Variants in TNFRSF8 observed in about 807,000 individuals in gnomAD.
The protein encoded by TNFRSF8 is tumor necrosis factor receptor superfamily member 8.
A neutral mutation model predicts 70.8 loss-of-function variants in TNFRSF8; 26 were observed. The observed-to-expected ratio is 0.37, with a 90% CI of 0.27 to 0.51. TNFRSF8 has a LOEUF of 0.51. Ranked by LOEUF, TNFRSF8 falls within the 20% of genes least tolerant of loss-of-function variation. TNFRSF8 has a pLI of 0.94. For synonymous variants in TNFRSF8, 356 were observed against 339.2 expected (o/e 1.05, Z -0.54); for missense variants, 720 against 807.9 (o/e 0.89, Z 1.32).
At chr1:12,091,173 G>C (rs1412211543) in intron 2 of TNFRSF8, among the ~76,000 whole-genome samples, 1 of 152,188 alleles carries the variant, frequency 6.6e-6, no homozygotes. Flanking sequence ...CCACCCTGCT[G>C]TCTGTCGTAG....
chr1:12,100,040 G>A (rs1352034418), intron 3 of TNFRSF8, among the ~76,000 whole-genome samples: 4 of 152,014 alleles, frequency 2.6e-5, no homozygotes, highest in African/African-American at 9.7e-5. Flanking sequence ...GTGGTGGCAC[G>A]TGTCTGTAGT....
At chr1:12,128,194 G>A (rs1641977087) in intron 12 of TNFRSF8, among the ~76,000 whole-genome samples, 1 of 152,242 alleles carries the variant, frequency 6.6e-6, no homozygotes, top group Non-Finnish European at 1.5e-5. Flanking sequence ...CCTCCTTGCA[G>A]GCTCTGTGCC....
Position 12,103,092 on chromosome 1 carries a change from A to G in TNFRSF8, c.269-1287A>G, listed in dbSNP as rs1390290890. Among the ~76,000 whole-genome samples the G allele has an allele frequency of 2.6e-5, 4 of 152,038 alleles. No homozygotes were observed. The East Asian group carries it at 7.8e-4, about 30-fold the overall frequency. On this transcript the variant is annotated intron_variant, in intron 3 of 14. Transcript: ENST00000263932. ...TAATAAACTATTTCTGGCTGGGTGC[A>G]GTGGCTCACGCCTGTAATCTCAGCA... is the stretch of plus-strand genomic sequence containing the variant.
At chr1:12,115,766 G>A in intron 8 of TNFRSF8, 37 bp downstream of exon 8, 1 of 1,605,386 alleles carries the variant, frequency 6.2e-7, no homozygotes. Flanking sequence ...ACCACAGGGT[G>A]GAGTCTGTGC....
chr1:12,115,831 C>T (rs1317063134), intron 8 of TNFRSF8, 102 bp downstream of exon 8: 36 of 1,320,436 alleles, frequency 2.7e-5, no homozygotes, highest in Non-Finnish European at 3.4e-5. Flanking sequence ...AAATGACCTA[C>T]ACCCTCGGCT....
intron 1 of TNFRSF8, among the ~76,000 whole-genome samples, chr1:12,075,493 C>G (rs1210428375): frequency 6.6e-6 from 1 of 152,136 alleles, no homozygotes; most frequent in Admixed American, 6.5e-5. Context: ...TTCTGACTCC[C>G]TGACTCTCTC....
intron 2 of TNFRSF8, among the ~76,000 whole-genome samples, chr1:12,086,656 G>C (rs985652866): frequency 1.3e-5 from 2 of 151,670 alleles, no homozygotes; most frequent in Non-Finnish European, 2.9e-5. Flanking sequence ...CTAAACAATA[G>C]ACATTTATTT....
chr1:12,107,802 C>T (rs116078425), intron 4 of TNFRSF8, among the ~76,000 whole-genome samples: 363 of 152,224 alleles, frequency 2.4e-3, no homozygotes, highest in African/African-American at 8.4e-3. Flanking sequence ...CAGTTTCTGC[C>T]TCCAGTCAGC....
rs773074377 is a variant in TNFRSF8 at position 12,142,359 on chromosome 1, G to A, written c.1616G>A (p.Gly539Asp). Residue 539 changes from glycine (G) to aspartate (D), a missense_variant, in exon 15 of 15, where the codon GGC (glycine) becomes GAC (aspartate). Gly to Asp is a moderately conservative substitution (Grantham distance 94). Coordinates refer to ENST00000263932, the MANE Select transcript of TNFRSF8 (RefSeq NM_001243.5). This position sits in a 1 kb window ranked among gnomAD's most constrained non-coding sequence, Gnocchi z 5.0. ...AAGGCTGAGCTGCCGGAGGGCCGGG[G>A]CCTGGCGGGGCCAGCAGAGCCCGAG... ...TVKAELPEGR[G>D]LAGPAEPELE... 1.9e-6 allele frequency: 3 copies of A among 1,608,634 alleles called. No individual in the cohort carries two copies. Among genetic ancestry groups the A allele is most frequent in the Non-Finnish European group, 8.5e-7 (1 of 1,177,832 alleles).
Position 12,095,291 on chromosome 1 carries a change from T to C in TNFRSF8, c.152-1810T>C, listed in dbSNP as rs551665247. Among the ~76,000 whole-genome samples, 3 of 120,410 alleles carry C rather than the reference T, an allele frequency of 2.5e-5. No individual in the cohort carries two copies. The South Asian group carries it at 7.4e-4, about 30-fold the overall frequency. The allele number at this position is 120,410 out of a possible 152,430, so 79.0% of individuals were successfully genotyped here. On this transcript the variant is annotated intron_variant, in intron 2 of 14. Coordinates refer to ENST00000263932, the MANE Select transcript of TNFRSF8 (RefSeq NM_001243.5). The stretch of plus-strand genomic sequence containing the variant: ...CAAAGAATCACATGTTACTGTATCT[T>C]TTTTTTTTTTTTTGAGATGGAGTTT...
chr1:12,080,479 T>G (rs1641045100), intron 1 of TNFRSF8: 1 of 521,992 alleles, frequency 1.9e-6, no homozygotes, highest in Admixed American at 1.9e-5. Flanking sequence ...CTGTGGTCAG[T>G]GGGAACTTGA....
intron 1 of TNFRSF8, among the ~76,000 whole-genome samples, chr1:12,074,260 G>A (rs1237406313): frequency 6.6e-6 from 1 of 151,322 alleles, no homozygotes; most frequent in Non-Finnish European, 1.5e-5. Flanking sequence ...AAGGCAACAT[G>A]TCCCAAAGTC....
At chr1:12,101,378 G>C (rs1229098877) in intron 3 of TNFRSF8, among the ~76,000 whole-genome samples, 2 of 151,184 alleles carry the variant, frequency 1.3e-5, no homozygotes, top group Non-Finnish European at 2.9e-5. Context: ...AGTGAGCTGT[G>C]ATCATGCCAC....
intron 2 of TNFRSF8, among the ~76,000 whole-genome samples, chr1:12,092,934 T>C (rs1271171246): frequency 1.3e-5 from 2 of 152,046 alleles, no homozygotes; most frequent in African/African-American, 4.8e-5. Context: ...GCCTCCCGAG[T>C]AGCTGGGATT....
rs1641581658 is a variant in TNFRSF8 at position 12,109,242 on chromosome 1, GT to G, written c.422-323del. The stretch of plus-strand genomic sequence containing the variant: ...CCTCACAGGCTTGGGTCACATGTCC[GT>G]CCCTGAACTGGCTCATCGTGGCCAG... On this transcript the variant is annotated intron_variant, in intron 4 of 14. Coordinates refer to ENST00000263932, the MANE Select transcript of TNFRSF8 (RefSeq NM_001243.5). This position sits in a 1 kb window ranked among gnomAD's most constrained non-coding sequence, Gnocchi z 4.4. Among the ~76,000 whole-genome samples, 1 of 152,118 alleles carries G rather than the reference GT, an allele frequency of 6.6e-6. No homozygotes were observed. The highest frequency in any genetic ancestry group is 1.5e-5 in the Non-Finnish European group (1 of 68,024).
At chr1:12,118,594 G>A (rs557937737) in intron 8 of TNFRSF8, among the ~76,000 whole-genome samples, 2 of 152,292 alleles carry the variant, frequency 1.3e-5, no homozygotes, top group African/African-American at 2.4e-5. Flanking sequence ...TCACGAAGTC[G>A]TTACATCCAT....
intron 1 of TNFRSF8, among the ~76,000 whole-genome samples, chr1:12,078,757 C>T (rs1641011506): frequency 6.6e-6 from 1 of 152,202 alleles, no homozygotes; most frequent in Non-Finnish European, 1.5e-5. Flanking sequence ...TCAGTCTCCC[C>T]CATCTGTAAA....
chr1:12,140,348 G>C (rs1464128581), intron 14 of TNFRSF8, among the ~76,000 whole-genome samples: 2 of 152,194 alleles, frequency 1.3e-5, no homozygotes, highest in Non-Finnish European at 2.9e-5. Flanking sequence ...TTCCCATCCA[G>C]TTCCCAAGAG....
chr1:12,132,663 C>G (rs900890317), intron 12 of TNFRSF8, among the ~76,000 whole-genome samples: 5 of 151,982 alleles, frequency 3.3e-5, no homozygotes, highest in Admixed American at 3.3e-4. Flanking sequence ...CATGGTGAAA[C>G]CCTGTCTCTA....
Sources: gnomAD v4.1 joint callset for allele counts (sites outside exome capture counted in the v4.1 genomes callset) on GRCh38, gnomAD v4.1.1 for gene constraint, Gnocchi (gnomAD v3.1) non-coding constraint, MANE v1.5 for transcripts, NCBI Gene and HGNC (gene_info 2026-07-23, HGNC 2026-07-21) for gene names.